Variants in FOXP1 observed in about 807,000 individuals in gnomAD.
The protein encoded by FOXP1 is forkhead box protein P1.
Under a neutral mutation model 98.2 loss-of-function variants are expected in FOXP1, and 15 were observed. That is an observed-to-expected ratio of 0.15 (90% confidence interval 0.10 to 0.24). The LOEUF (loss-of-function observed/expected upper bound fraction) is 0.24, where lower values mean the gene tolerates loss of function less well. FOXP1 is among the 10% of genes least tolerant of loss of function. FOXP1 has a pLI of 1.00. For synonymous variants in FOXP1, 371 were observed against 314.5 expected, an observed-to-expected ratio of 1.18 and a Z score of -1.90; for missense variants, 633 against 848.5, an observed-to-expected ratio of 0.75 and a Z score of 3.15.
chr3:71,357,009 G>A (rs902161986), intron 4 of FOXP1, among the ~76,000 whole-genome samples: 9 of 152,064 alleles, frequency 5.9e-5, no homozygotes, highest in Non-Finnish European at 1.5e-5. Context: ...CCACTCCCAC[G>A]GTAAGCTTTC....
chr3:70,982,789 C>A (rs559565604), intron 14 of FOXP1, among the ~76,000 whole-genome samples: 1 of 151,912 alleles, frequency 6.6e-6, no homozygotes, highest in Non-Finnish European at 1.5e-5. Context: ...AAAAAATAAA[C>A]TGCTGATGTA....
chr3:71,091,815 T>G (rs151103660), intron 7 of FOXP1, among the ~76,000 whole-genome samples: 14 of 152,220 alleles, frequency 9.2e-5, no homozygotes, highest in Non-Finnish European at 1.3e-4. Context: ...GAGAGAGGTA[T>G]GAGAAACACA....
At chr3:71,101,118 C>A (rs554786690) in intron 7 of FOXP1, among the ~76,000 whole-genome samples, 8 of 152,148 alleles carry the variant, frequency 5.3e-5, no homozygotes, top group African/African-American at 1.7e-4. Flanking sequence ...ACAGAAAATA[C>A]CAGCGGAAGG....
At chr3:71,345,621 T>G (rs1027913423) in intron 4 of FOXP1, among the ~76,000 whole-genome samples, 2 of 152,000 alleles carry the variant, frequency 1.3e-5, no homozygotes, top group African/African-American at 4.8e-5. Flanking sequence ...TCCCTGCTTA[T>G]TTTGGCGATG....
chr3:71,001,102 A>G (rs1182972629), intron 12 of FOXP1, 43 bp from the exon 13 acceptor site: 1 of 1,461,038 alleles, frequency 6.8e-7, no homozygotes, highest in Non-Finnish European at 9.6e-7. Context: ...ATGGAGAAAC[A>G]AAAAGGAAAA....
At chr3:71,209,334 G>A (rs904582221) in intron 5 of FOXP1, among the ~76,000 whole-genome samples, 3 of 152,084 alleles carry the variant, frequency 2.0e-5, no homozygotes, top group Non-Finnish European at 2.9e-5. Flanking sequence ...TTTTATCAAT[G>A]AAATATATGG....
chr3:71,418,227 G>C (rs180855363), intron 3 of FOXP1, among the ~76,000 whole-genome samples: 3 of 151,526 alleles, frequency 2.0e-5, no homozygotes, highest in African/African-American at 4.9e-5. Context: ...ATCACACTTC[G>C]GTGTCTCTAA....
chr3:71,187,919 T>C (rs1001399659), intron 6 of FOXP1, among the ~76,000 whole-genome samples: 1 of 152,170 alleles, frequency 6.6e-6, no homozygotes, highest in African/African-American at 2.4e-5. Flanking sequence ...GTCTTTAACC[T>C]TGTAAAAGGT....
At chr3:70,965,579 C>T (rs2034582562) in intron 20 of FOXP1, among the ~76,000 whole-genome samples, 2 of 152,058 alleles carry the variant, frequency 1.3e-5, no homozygotes, top group Admixed American at 1.3e-4. Context: ...CATAGGAATG[C>T]ATATTAGTTT....
At chr3:71,235,250 G>C (rs1193082697) in intron 5 of FOXP1, among the ~76,000 whole-genome samples, 1 of 152,102 alleles carries the variant, frequency 6.6e-6, no homozygotes, top group Non-Finnish European at 1.5e-5. Flanking sequence ...AGGGGTTGGG[G>C]TTACTGAAAA....
At chr3:71,503,182 T>C (rs1325102362) in intron 2 of FOXP1, among the ~76,000 whole-genome samples, 2 of 152,154 alleles carry the variant, frequency 1.3e-5, no homozygotes, top group Non-Finnish European at 2.9e-5. Flanking sequence ...TGGAGGTAAG[T>C]GTGAAGTCCC....
At chr3:71,200,689 G>C (rs1478119774) in intron 5 of FOXP1, among the ~76,000 whole-genome samples, 1 of 152,192 alleles carries the variant, frequency 6.6e-6, no homozygotes, top group East Asian at 1.9e-4. Flanking sequence ...AAAATTTTTA[G>C]GCAAATGTGT....
chr3:71,193,708 C>G (rs1432927739), intron 6 of FOXP1, among the ~76,000 whole-genome samples: 1 of 152,168 alleles, frequency 6.6e-6, no homozygotes, highest in Non-Finnish European at 1.5e-5. Flanking sequence ...CTCGGCCTCC[C>G]TAAGTGCTGG....
chr3:70,975,274 T>G (rs530321785), intron 17 of FOXP1, among the ~76,000 whole-genome samples: 3 of 152,336 alleles, frequency 2.0e-5, no homozygotes, highest in Admixed American at 6.5e-5. Context: ...CTTCCTAAAT[T>G]TTTTAAAGCA....
At chr3:71,155,957 C>T (rs181866899) in intron 6 of FOXP1, among the ~76,000 whole-genome samples, 2 of 152,268 alleles carry the variant, frequency 1.3e-5, no homozygotes, top group Admixed American at 1.3e-4. Context: ...GGAAAACAAG[C>T]CCTTATTTGC....
intron 7 of FOXP1, among the ~76,000 whole-genome samples, chr3:71,089,982 C>A (rs193287214): frequency 1.3e-5 from 2 of 152,128 alleles, no homozygotes; most frequent in Admixed American, 1.3e-4. Context: ...TGATTTTTTT[C>A]TTTTTTAGGA....
chr3:71,541,680 G>C (rs1243525033), intron 2 of FOXP1, among the ~76,000 whole-genome samples: 2 of 151,594 alleles, frequency 1.3e-5, no homozygotes, highest in African/African-American at 2.4e-5. Context: ...TTTACTCCGA[G>C]AGCATTAAAA....
At chr3:70,992,672 G>T (rs904730466) in intron 13 of FOXP1, among the ~76,000 whole-genome samples, 1 of 152,080 alleles carries the variant, frequency 6.6e-6, no homozygotes, top group African/African-American at 2.4e-5. Flanking sequence ...CCATCTTAAC[G>T]TTCCTTACAT....
At chr3:71,042,146 T>C (rs1461341445) in intron 10 of FOXP1, among the ~76,000 whole-genome samples, 1 of 152,208 alleles carries the variant, frequency 6.6e-6, no homozygotes, top group East Asian at 1.9e-4. Flanking sequence ...ACATGCTTAA[T>C]TGATGGATGT....
Sources: allele counts gnomAD v4.1 joint callset (sites outside exome capture counted in the v4.1 genomes callset), GRCh38; gene constraint gnomAD v4.1.1; transcripts MANE v1.5; gene names NCBI Gene and HGNC (gene_info 2026-07-23, HGNC 2026-07-21).